PIEZO1: variants seen among roughly 807,000 people sequenced by gnomAD.
The protein encoded by PIEZO1 is piezo type mechanosensitive ion channel component 1 (Er blood group), also known as piezo-type mechanosensitive ion channel component 1.
PIEZO1 carries 296 observed loss-of-function variants against 297.2 expected under a neutral mutation model. The observed-to-expected ratio is 1.00, with a 90% CI of 0.91 to 1.10. The LOEUF is 1.10. Ranked by LOEUF, PIEZO1 falls within the 50% of genes least tolerant of loss-of-function variation. PIEZO1 has a pLI of 0.00. For synonymous variants in PIEZO1, 2,427 were observed against 1,507.5 expected (o/e 1.61, Z -14.13); for missense variants, 5,018 against 3,455.5 (o/e 1.45, Z -11.34).
intron 30 of PIEZO1, 130 bp from the exon 31 acceptor site, chr16:88,724,101 C>G (rs1904307212): frequency 3.1e-6 from 2 of 640,900 alleles, no homozygotes; most frequent in Non-Finnish European, 5.6e-6. Context: ...AGTGCAGGCA[C>G]AAGACACAGG....
At chr16:88,725,221 G>C in intron 29 of PIEZO1, 141 bp from the exon 30 acceptor site, 2 of 711,054 alleles carry the variant, frequency 2.8e-6, no homozygotes, top group Admixed American at 3.3e-5. Flanking sequence ...GGGGCCATGG[G>C]GCTCAGAGCC....
chr16:88,716,368 G>C lies in PIEZO1; in HGVS notation c.7042C>G (p.Gln2348Glu). The C allele has an allele frequency of 3.2e-6, 5 of 1,540,392 alleles. No homozygotes were observed. Among genetic ancestry groups the C allele is most frequent in the Non-Finnish European group, 4.4e-6 (5 of 1,141,036 alleles). Residue 2348 changes from glutamine (Q) to glutamate (E), a missense_variant, in exon 48 of 51, where the codon CAG (glutamine) becomes GAG (glutamate). By Grantham distance (29) the Gln-to-Glu change is conservative. Transcript: ENST00000301015. Reference protein sequence around the residue: ...LASLLEGTSDQSVVIPNLFPK... With the variant: ...LASLLEGTSDESVVIPNLFPK... ...CCCGGGCCCTTCACTCACACAGACT[G>C]GTCCGAGGTGCCCTCGAGCAGGCTG...
chr16:88,748,561 C>T (rs111260100), intron 2 of PIEZO1, among the ~76,000 whole-genome samples: 4 of 151,674 alleles, frequency 2.6e-5, no homozygotes, highest in African/African-American at 9.7e-5. Flanking sequence ...GGAGGGCGGT[C>T]CAGGCGGCTG....
chr16:88,774,824 T>A (rs1254385930), intron 1 of PIEZO1, among the ~76,000 whole-genome samples: 1 of 152,142 alleles, frequency 6.6e-6, no homozygotes, highest in Non-Finnish European at 1.5e-5. Context: ...GGTGCCCACA[T>A]GGTCTAAGAT....
Position 88,734,138 on chromosome 16 carries a change from G to A in PIEZO1, c.2181-84C>T, listed in dbSNP as rs954106727. 4.9e-5 allele frequency: 46 copies of A among 939,912 alleles called. No homozygotes were observed. The Admixed American group carries it at 5.3e-4, about 11-fold the overall frequency. The allele number at this position is 939,912 out of a possible 1,614,324, so 58.2% of individuals were successfully genotyped here. A position where few individuals can be genotyped will look rare whatever the true frequency, so the allele number is the denominator to read the frequency against. On this transcript the variant is annotated intron_variant, in intron 16 of 50. Coordinates refer to ENST00000301015, the MANE Select transcript of PIEZO1 (RefSeq NM_001142864.4). ...GGCTGGAAGAAGCCCTGTCGGCACCGCTTCTGCTGCAGCTGCCAGTTCAGG... is the reference window on the plus strand; with the variant it reads ...GGCTGGAAGAAGCCCTGTCGGCACCACTTCTGCTGCAGCTGCCAGTTCAGG...
At chr16:88,720,007 C>T (rs1195565641) in intron 42 of PIEZO1, 47 bp from the exon 43 acceptor site, 3 of 1,549,272 alleles carry the variant, frequency 1.9e-6, no homozygotes, top group Non-Finnish European at 2.6e-6. Context: ...AACAGCCCCG[C>T]AGGGCCCCCA....
Position 88,733,336 on chromosome 16 carries a change from T to G in PIEZO1, c.2606A>C (p.Lys869Thr). The stretch of plus-strand genomic sequence containing the variant: ...GACAACCTTGAGCTGGTACAGCATC[T>G]TACACACGATGATGACGCAGGTCCA... ...TVWTCVIIVC[K>T]MLYQLKVVNP... The change falls in exon 19 of 51, where the codon AAG becomes ACG. Residue 869 changes from lysine (K) to threonine (T), a missense_variant. Lys to Thr is a moderately conservative substitution (Grantham distance 78). Transcript: ENST00000301015. 6.5e-7 allele frequency: 1 copy of G among 1,550,156 alleles called. No individual in the cohort carries two copies. Among genetic ancestry groups the G allele is most frequent in the Non-Finnish European group, 8.7e-7 (1 of 1,146,788 alleles).
At position 88,715,682 on chromosome 16, in the gene PIEZO1, C is replaced by G. The variant is rs1911951988; in HGVS notation, c.7489G>C (p.Glu2497Gln). The G allele has an allele frequency of 6.5e-7, 1 of 1,550,180 alleles. No homozygotes were observed. The highest frequency in any genetic ancestry group is 8.7e-7 in the Non-Finnish European group (1 of 1,146,758). Reference protein sequence around the residue: ...VRETRELELEEELYAKLIFLY... With the variant: ...VRETRELELEQELYAKLIFLY... ...AAGATGAGCTTGGCGTACAACTCCT[C>G]CTCCAGCTCCAGCTCCCGAGTCTCC... The change falls in exon 51 of 51, where the codon GAG becomes CAG. Residue 2497 changes from glutamate (E) to glutamine (Q), a missense_variant. Transcript: ENST00000301015.
intron 1 of PIEZO1, among the ~76,000 whole-genome samples, chr16:88,760,070 T>TCCATGCCTGGCCCACCCC (rs1906858059): frequency 1.4e-5 from 2 of 140,138 alleles, no homozygotes; most frequent in Admixed American, 7.3e-5. Context: ...TGACACCTGG[T>TCCATGCCTGGCCCACCCC]CCACGCCTGG....
At position 88,719,900 on chromosome 16, in the gene PIEZO1, G is replaced by A. The variant is rs570932017; in HGVS notation, c.6225C>T (p.Ala2075=). The change falls in exon 43 of 51, where the codon GCC becomes GCT. Residue 2075 remains alanine, a synonymous_variant. Transcript: ENST00000301015. ...LWYFVKCIYF[A]LSAYQIRCGY... is the part of the protein sequence containing the mutation. ...CGCAGCGGATCTGGTAGGCGGACAG[G>A]GCGAAGTAGATGCACTTCACGAAGT... 5 of 1,550,456 alleles carry A rather than the reference G, an allele frequency of 3.2e-6. No individual in the cohort carries two copies. The highest frequency in any genetic ancestry group is 1.7e-4 in the Middle Eastern group (1 of 5,992).
intron 44 of PIEZO1, 122 bp from the exon 45 acceptor site, chr16:88,717,333 G>T: frequency 2.6e-6 from 2 of 759,360 alleles, no homozygotes; most frequent in Non-Finnish European, 4.5e-6. Context: ...ATGGCACAGC[G>T]GTAGTAATGG....
intron 22 of PIEZO1, chr16:88,731,393 G>T (rs191989860): frequency 1.9e-4 from 69 of 354,016 alleles, no homozygotes; most frequent in Non-Finnish European, 1.7e-4. Context: ...CGGCCGACCC[G>T]CACGGGGCCC....
At chr16:88,767,816 G>C (rs1313933625) in intron 1 of PIEZO1, among the ~76,000 whole-genome samples, 1 of 152,090 alleles carries the variant, frequency 6.6e-6, no homozygotes, top group Non-Finnish European at 1.5e-5. Context: ...CCCGAGTCAG[G>C]ACTACAGCCT....
chr16:88,749,590 G>GT (rs1906279406), intron 1 of PIEZO1, 111 bp from the exon 2 acceptor site: 2 of 804,788 alleles, frequency 2.5e-6, no homozygotes, highest in Non-Finnish European at 3.9e-6. Flanking sequence ...CGTGTGCCCT[G>GT]TGAGTGCTGC....
At chr16:88,779,138 T>C (rs1907811232) in intron 1 of PIEZO1, among the ~76,000 whole-genome samples, 1 of 150,992 alleles carries the variant, frequency 6.6e-6, no homozygotes, top group African/African-American at 2.4e-5. Flanking sequence ...ACCTCCTGGG[T>C]TCCGGCGATT....
intron 1 of PIEZO1, among the ~76,000 whole-genome samples, chr16:88,779,872 C>A (rs879431840): frequency 1.4e-4 from 22 of 152,320 alleles, no homozygotes; most frequent in Admixed American, 1.4e-3. Context: ...GTCTCCTGGC[C>A]CCACGATTGT....
intron 2 of PIEZO1, among the ~76,000 whole-genome samples, chr16:88,746,230 C>T (rs7192679): frequency 0.017 from 2,535 of 152,170 alleles, 74 homozygotes; most frequent in African/African-American, 0.057. Context: ...CTGGCAGAGC[C>T]GGGGGACCAG....
intron 45 of PIEZO1, 38 bp downstream of exon 45, chr16:88,716,984 AG>A (rs1441241444): frequency 3.2e-5 from 50 of 1,548,208 alleles, no homozygotes; most frequent in Non-Finnish European, 4.2e-5. Flanking sequence ...CAGAACCCCC[AG>A]GGGATGGGAA....
chr16:88,756,925 A>C (rs1597477197), intron 1 of PIEZO1, among the ~76,000 whole-genome samples: 4 of 151,400 alleles, frequency 2.6e-5, no homozygotes, highest in African/African-American at 9.7e-5. Flanking sequence ...AAATACAAAA[A>C]AGTAGCCGGG....
Sources: gnomAD v4.1 joint callset for allele counts (sites outside exome capture counted in the v4.1 genomes callset) on GRCh38, gnomAD v4.1.1 for gene constraint, MANE v1.5 for transcripts, NCBI Gene and HGNC (gene_info 2026-07-23, HGNC 2026-07-21) for gene names.